The following TWSG1 variants were observed in gnomAD, a reference collection of about 807,000 sequenced individuals.
The protein encoded by TWSG1 is twisted gastrulation BMP signaling modulator 1.
TWSG1 carries 15 observed loss-of-function variants against 23.0 expected under a neutral mutation model. That is an observed-to-expected ratio of 0.65 (90% CI 0.44 to 1.00). The LOEUF (loss-of-function observed/expected upper bound fraction) is 1.00. Among genes scored for constraint, TWSG1 ranks in the 50% least tolerant of loss-of-function variants. The probability of loss-of-function intolerance (pLI) is 0.00; values close to 1 mark genes in which losing one functional copy is unlikely to be tolerated. For missense variants in TWSG1, 242 were observed against 278.7 expected, an observed-to-expected ratio of 0.87 and a Z score of 0.94; for synonymous variants, 86 against 92.8, an observed-to-expected ratio of 0.93 and a Z score of 0.42.
At position 9,360,992 on chromosome 18, in the gene TWSG1, C is replaced by G. The variant is rs560414028; in HGVS notation, c.223+921C>G. Among the ~76,000 whole-genome samples the G allele has an allele frequency of 8.5e-5, 13 of 152,228 alleles. No homozygotes were observed. In the South Asian group the frequency reaches 2.3e-3, roughly 27 times the overall value. On this transcript the variant is annotated intron_variant, in intron 3 of 4. Transcript: ENST00000262120. ...TTAGTTCTCTTATCTCTTAATCTTC[C>G]CAGTGTGATTTTATCACTCCTTCTA... is the stretch of plus-strand genomic sequence containing the variant.
At chr18:9,387,838 A>G (rs1005811683) in intron 3 of TWSG1, among the ~76,000 whole-genome samples, 1 of 152,104 alleles carries the variant, frequency 6.6e-6, no homozygotes, top group Non-Finnish European at 1.5e-5. Flanking sequence ...TTCAGTGTCA[A>G]TCTGTAAAAA....
At chr18:9,344,531 A>AT (rs386387024) in intron 2 of TWSG1, among the ~76,000 whole-genome samples, 10,270 of 102,078 alleles carry the variant, frequency 0.1, 1,217 homozygotes, top group African/African-American at 0.22. Flanking sequence ...GTATGTATGT[A>AT]TTTTTTTTTT....
chr18:9,363,835 C>T (rs902933232), intron 3 of TWSG1, among the ~76,000 whole-genome samples: 1 of 152,066 alleles, frequency 6.6e-6, no homozygotes, highest in Non-Finnish European at 1.5e-5. Flanking sequence ...ACCATGTTGG[C>T]CAGGCTGGTC....
intron 3 of TWSG1, among the ~76,000 whole-genome samples, chr18:9,378,896 A>G (rs564045921): frequency 6.6e-6 from 1 of 152,250 alleles, no homozygotes; most frequent in African/African-American, 2.4e-5. Context: ...CTGGAGGATC[A>G]CTAGAGCCTG....
intron 2 of TWSG1, among the ~76,000 whole-genome samples, chr18:9,358,720 A>G (rs1568033693): frequency 6.6e-6 from 1 of 152,140 alleles, no homozygotes; most frequent in African/African-American, 2.4e-5. Context: ...GTGGGCTGCA[A>G]TGGCCATATG....
chr18:9,349,805 A>G (rs968118187), intron 2 of TWSG1, among the ~76,000 whole-genome samples: 1 of 152,102 alleles, frequency 6.6e-6, no homozygotes, highest in African/African-American at 2.4e-5. Context: ...TATTTTCCTA[A>G]ATTGTTTCTT....
intron 2 of TWSG1, among the ~76,000 whole-genome samples, chr18:9,357,657 T>C (rs933601771): frequency 6.6e-6 from 1 of 152,208 alleles, no homozygotes; most frequent in South Asian, 2.1e-4. Flanking sequence ...TTTTAAAATC[T>C]TACTGAAATG....
chr18:9,394,773 T>TGCACACACACGCAC (rs1367967797), intron 3 of TWSG1, among the ~76,000 whole-genome samples: 1 of 152,110 alleles, frequency 6.6e-6, no homozygotes, highest in African/African-American at 2.4e-5. Context: ...CATGCATGCA[T>TGCACACACACGCAC]GCACACACAC....
chr18:9,353,087 G>T (rs2040509315), intron 2 of TWSG1, among the ~76,000 whole-genome samples: 1 of 152,134 alleles, frequency 6.6e-6, no homozygotes, highest in Non-Finnish European at 1.5e-5. Context: ...ATTCAGAACA[G>T]TAACATGCTG....
rs1391881558 is a variant in TWSG1 at position 9,396,455 on chromosome 18, G to C, written c.399G>C (p.Leu133=). The C allele has an allele frequency of 1.2e-6, 2 of 1,614,094 alleles. No individual in the cohort carries two copies. Among genetic ancestry groups the C allele is most frequent in the Non-Finnish European group, 1.7e-6 (2 of 1,180,028 alleles). The change falls in exon 4 of 5, where the codon CTG becomes CTC. Residue 133 remains leucine, a synonymous_variant. Transcript: ENST00000262120. ...AAGAACTTTCACATCATGAGAATCT[G>C]GTTTCATTTTTAGAAACTGTGAACC... ...VAEELSHHEN[L]VSFLETVNQP... is the part of the protein sequence containing the mutation.
At chr18:9,382,149 C>G (rs2040659666) in intron 3 of TWSG1, among the ~76,000 whole-genome samples, 1 of 144,564 alleles carries the variant, frequency 6.9e-6, no homozygotes, top group Non-Finnish European at 1.5e-5. Context: ...TTGGTTTCTT[C>G]TTGTCCTCAT....
chr18:9,395,423 T>A (rs1287490721), intron 3 of TWSG1, among the ~76,000 whole-genome samples: 2 of 152,216 alleles, frequency 1.3e-5, no homozygotes, highest in African/African-American at 4.8e-5. Flanking sequence ...CCCATCCGAA[T>A]CAAACCCCTG....
chr18:9,395,371 T>C (rs2040729905), intron 3 of TWSG1, among the ~76,000 whole-genome samples: 2 of 152,206 alleles, frequency 1.3e-5, no homozygotes, highest in African/African-American at 4.8e-5. Context: ...AGTATATTCT[T>C]ATCTAACAGT....
chr18:9,336,742 G>A (rs8093378), intron 1 of TWSG1, among the ~76,000 whole-genome samples: 18,409 of 152,202 alleles, frequency 0.12, 1,307 homozygotes, highest in Middle Eastern at 0.26. Context: ...AAGTTACTGA[G>A]GGTTTAGATA....
intron 2 of TWSG1, 113 bp downstream of exon 2, chr18:9,337,465 G>T: frequency 3.0e-6 from 3 of 1,016,660 alleles, no homozygotes; most frequent in Non-Finnish European, 4.2e-6. Context: ...TGAGTATTGG[G>T]TCAGGGCCTG....
At chr18:9,347,519 C>T (rs1216776498) in intron 2 of TWSG1, among the ~76,000 whole-genome samples, 1 of 151,980 alleles carries the variant, frequency 6.6e-6, no homozygotes, top group Non-Finnish European at 1.5e-5. Flanking sequence ...TTTCTTTCAA[C>T]AATATTTTGT....
At chr18:9,374,934 A>G (rs532888694) in intron 3 of TWSG1, among the ~76,000 whole-genome samples, 2 of 152,280 alleles carry the variant, frequency 1.3e-5, no homozygotes, top group South Asian at 2.1e-4. Context: ...TTGGGAGGCC[A>G]AGGCGGCCAG....
At chr18:9,335,299 G>A (rs928435037) in intron 1 of TWSG1, among the ~76,000 whole-genome samples, 1 of 152,266 alleles carries the variant, frequency 6.6e-6, no homozygotes, top group Non-Finnish European at 1.5e-5. Flanking sequence ...CAGAGGCTCG[G>A]CTCTGCCCTG....
chr18:9,369,139 A>G (rs1199050711), intron 3 of TWSG1, among the ~76,000 whole-genome samples: 1 of 79,764 alleles, frequency 1.3e-5, no homozygotes, highest in Admixed American at 1.1e-4. Context: ...AAATAAATAA[A>G]TAAAATAAAA....
Sources: allele counts gnomAD v4.1 joint callset (sites outside exome capture counted in the v4.1 genomes callset), GRCh38; gene constraint gnomAD v4.1.1; transcripts MANE v1.5; gene names NCBI Gene and HGNC (gene_info 2026-07-23, HGNC 2026-07-21).